Variants in IQGAP2 observed in about 807,000 individuals in gnomAD.
IQGAP2 encodes ras GTPase-activating-like protein IQGAP2.
Under a neutral mutation model 201.3 loss-of-function variants are expected in IQGAP2, and 173 were observed. The observed-to-expected ratio is 0.86, with a 90% confidence interval of 0.76 to 0.98. IQGAP2 has a LOEUF of 0.98. Among genes scored for constraint, IQGAP2 ranks in the 50% least tolerant of loss-of-function variants. The probability of loss-of-function intolerance (pLI) is 0.00; values close to 1 mark genes in which losing one functional copy is unlikely to be tolerated. For synonymous variants in IQGAP2, 675 were observed against 673.9 expected, an observed-to-expected ratio of 1.00 and a Z score of -0.03; for missense variants, 1,687 against 1,864.8, an observed-to-expected ratio of 0.90 and a Z score of 1.76.
Position 76,674,545 on chromosome 5 carries a change from C to G in IQGAP2, c.3363C>G (p.Ile1121Met). ...PAIVAPDGFD[I>M]IDMTAGGQIN... Reference sequence around the variant, plus strand: ...TTGTAGCTCCAGATGGCTTTGATATCATCGACATGACAGCTGGAGGTCAGA... The same window carrying G: ...TTGTAGCTCCAGATGGCTTTGATATGATCGACATGACAGCTGGAGGTCAGA... The change falls in exon 27 of 36, where the codon ATC (isoleucine) becomes ATG (methionine). Residue 1121 changes from isoleucine to methionine, a missense_variant. Coordinates refer to ENST00000274364, the MANE Select transcript of IQGAP2 (RefSeq NM_006633.5). The G allele has an allele frequency of 6.2e-7, 1 of 1,614,086 alleles. No individual in the cohort carries two copies. The highest frequency in any genetic ancestry group is 8.5e-7 in the Non-Finnish European group (1 of 1,179,988).
intron 8 of IQGAP2, among the ~76,000 whole-genome samples, chr5:76,592,515 A>G (rs1309132536): frequency 2.0e-5 from 3 of 152,196 alleles, no homozygotes; most frequent in East Asian, 1.9e-4. Flanking sequence ...TCTTGATTTT[A>G]TTAGATCAAA....
chr5:76,562,659 C>T, intron 3 of IQGAP2, 107 bp downstream of exon 3: 1 of 1,013,648 alleles, frequency 9.9e-7, no homozygotes, highest in South Asian at 1.6e-5. Context: ...ATTTGGGGGG[C>T]TGGGGGATGT....
chr5:76,618,238 T>A (rs1300508861), intron 13 of IQGAP2: 1 of 1,614,132 alleles, frequency 6.2e-7, no homozygotes, highest in Non-Finnish European at 8.5e-7. Flanking sequence ...ACCCAGTTGT[T>A]CCCATTGAGA....
At position 76,457,272 on chromosome 5, in the gene IQGAP2, C is replaced by T. The variant is rs79398022; in HGVS notation, c.47-4298C>T. On this transcript the variant is annotated intron_variant, in intron 1 of 35. Transcript: ENST00000274364. ...CCAAAGTGGTGGGAGCTACCCCAGC[C>T]GGACATATTTCTATGAATTGGTAAT... Among the ~76,000 whole-genome samples, 13 of 152,174 alleles carry T rather than the reference C, an allele frequency of 8.5e-5. No homozygotes were observed. In the East Asian group the frequency reaches 9.7e-4, roughly 11 times the overall value.
intron 2 of IQGAP2, among the ~76,000 whole-genome samples, chr5:76,544,601 C>T (rs192230005): frequency 3.8e-4 from 58 of 152,324 alleles, no homozygotes; most frequent in Non-Finnish European, 3.2e-4. Context: ...ATTTTTACTG[C>T]TTCTGGTATA....
intron 35 of IQGAP2, among the ~76,000 whole-genome samples, chr5:76,703,581 C>T (rs966311416): frequency 7.4e-5 from 11 of 149,326 alleles, no homozygotes; most frequent in African/African-American, 1.2e-4. Flanking sequence ...TATAAATTAT[C>T]GTTATTTTAT....
intron 13 of IQGAP2, chr5:76,623,106 T>C (rs374397419): frequency 1.1e-5 from 17 of 1,516,260 alleles, no homozygotes; most frequent in Non-Finnish European, 1.6e-5. Flanking sequence ...TAGGTTCAGT[T>C]GACTCTTAAT....
At chr5:76,521,308 G>A (rs866947635) in intron 2 of IQGAP2, among the ~76,000 whole-genome samples, 1 of 152,106 alleles carries the variant, frequency 6.6e-6, no homozygotes, top group Admixed American at 6.6e-5. Context: ...CCAATTCCAC[G>A]GGTCTAGCCA....
chr5:76,490,027 T>C (rs1406381521), intron 2 of IQGAP2, among the ~76,000 whole-genome samples: 1 of 152,228 alleles, frequency 6.6e-6, no homozygotes, highest in Non-Finnish European at 1.5e-5. Context: ...CAGCTCACCA[T>C]GGTATTTCAA....
intron 11 of IQGAP2, among the ~76,000 whole-genome samples, chr5:76,604,787 A>G (rs981471554): frequency 1.3e-5 from 2 of 152,116 alleles, no homozygotes; most frequent in African/African-American, 2.4e-5. Context: ...TCACATCTGC[A>G]CTTGGCGAGG....
chr5:76,461,032 C>T (rs1039368698), intron 1 of IQGAP2, among the ~76,000 whole-genome samples: 2 of 151,794 alleles, frequency 1.3e-5, no homozygotes, highest in African/African-American at 4.8e-5. Flanking sequence ...GTGCCCCCCA[C>T]CACACCTGGC....
Position 76,566,692 on chromosome 5 carries a change from A to G in IQGAP2, c.304-3888A>G, listed in dbSNP as rs141719821. 1.4e-3 allele frequency among the ~76,000 whole-genome samples: 216 copies of G among 152,248 alleles called. 1 individual carries two copies. Among genetic ancestry groups the G allele is most frequent in the African/African-American group, 4.9e-3 (203 of 41,568 alleles). On this transcript the variant is annotated intron_variant, in intron 3 of 35. Transcript: ENST00000274364. ...GGGAGACAGAGTCCAGTGAGGGGAT[A>G]ACTCAGTCCAGGTGGCAGTGACCTG... is the stretch of plus-strand genomic sequence containing the variant.
intron 2 of IQGAP2, among the ~76,000 whole-genome samples, chr5:76,487,747 A>C (rs1333907332): frequency 1.3e-5 from 2 of 152,146 alleles, no homozygotes; most frequent in Admixed American, 1.3e-4. Context: ...TTGGCCAGAC[A>C]CTGCATCTGT....
intron 28 of IQGAP2, 31 bp downstream of exon 28, chr5:76,677,381 T>C: frequency 1.9e-6 from 3 of 1,607,870 alleles, no homozygotes; most frequent in Non-Finnish European, 2.6e-6. Context: ...ATCTTAGCAA[T>C]GGACCCATGA....
chr5:76,646,892 T>C (rs13190384), intron 17 of IQGAP2, among the ~76,000 whole-genome samples: 1 of 152,216 alleles, frequency 6.6e-6, no homozygotes, highest in Non-Finnish European at 1.5e-5. Context: ...TTCTATTGTG[T>C]TGTTTATTCT....
intron 1 of IQGAP2, among the ~76,000 whole-genome samples, chr5:76,426,935 T>TGTGTGA (rs894766853): frequency 6.6e-6 from 1 of 151,394 alleles, no homozygotes; most frequent in East Asian, 1.9e-4. Context: ...TGTGTGTGTG[T>TGTGTGA]GAGTGTGTGC....
rs371728010 is a variant in IQGAP2, at chr5:76,444,335, G to C, written c.47-17235G>C. ...TTTTTTGAGATGGAGTTTCACTCTC[G>C]TCACCCAGGCTGGAGTGCAATGGCA... On this transcript the variant is annotated intron_variant, in intron 1 of 35. Transcript: ENST00000274364. Among the ~76,000 whole-genome samples the C allele has an allele frequency of 7.8e-4, 119 of 152,220 alleles. 4 individuals are homozygous for C. In the South Asian group the frequency reaches 0.024, roughly 31 times the overall value.
chr5:76,414,070 C>T (rs887335806), intron 1 of IQGAP2, among the ~76,000 whole-genome samples: 3 of 151,810 alleles, frequency 2.0e-5, no homozygotes, highest in South Asian at 4.1e-4. Flanking sequence ...CATTAGGAAT[C>T]GAAAACCTGG....
At chr5:76,557,737 T>C (rs1744046499) in intron 2 of IQGAP2, among the ~76,000 whole-genome samples, 1 of 152,222 alleles carries the variant, frequency 6.6e-6, no homozygotes, top group Admixed American at 6.5e-5. Context: ...TCATAAGAAT[T>C]AGCCATGGCT....
Sources: gnomAD v4.1 joint callset for allele counts (sites outside exome capture counted in the v4.1 genomes callset) on GRCh38, gnomAD v4.1.1 for gene constraint, MANE v1.5 for transcripts, NCBI Gene and HGNC (gene_info 2026-07-23, HGNC 2026-07-21) for gene names.